The following C11orf58 variants were observed in gnomAD, a reference collection of about 807,000 sequenced individuals.
C11orf58 encodes the protein small acidic protein.
A neutral mutation model predicts 22.7 loss-of-function variants in C11orf58; 5 were observed. That is an observed-to-expected ratio of 0.22 (90% CI 0.12 to 0.46). The LOEUF (loss-of-function observed/expected upper bound fraction) is 0.46. C11orf58 is among the 20% of genes least tolerant of loss of function. C11orf58 has a pLI of 0.99. For synonymous variants in C11orf58, 71 were observed against 70.7 expected (o/e 1.00, Z -0.02); for missense variants, 151 against 223.3 (o/e 0.68, Z 2.06).
rs973105490 is a variant in C11orf58, at chr11:16,753,102, C to CT, written c.318+217dup. 3.6e-4 allele frequency among the ~76,000 whole-genome samples: 55 copies of CT among 151,120 alleles called. No homozygotes were observed. In the East Asian group the frequency reaches 6.6e-3, roughly 18 times the overall value. On this transcript the variant is annotated intron_variant, in intron 4 of 4. Transcript: ENST00000228136. ...GGATTTTGTGTGGGGTTGTTTTTTC[C>CT]TTTTTTTTTGAGATGCAGTCTCACT...
chr11:16,754,429 C>T (rs1055016435), intron 4 of C11orf58, among the ~76,000 whole-genome samples: 3 of 150,540 alleles, frequency 2.0e-5, no homozygotes, highest in Admixed American at 1.3e-4. Flanking sequence ...CTCCTAGGCT[C>T]AAGCAATCCT....
In C11orf58 at chr11:16,748,117, T is replaced by C. The variant is rs778929914; in HGVS notation, c.168T>C (p.Leu56=). 2 of 1,613,070 alleles carry C rather than the reference T, an allele frequency of 1.2e-6. No individual in the cohort carries two copies. The highest frequency in any genetic ancestry group is 2.2e-5 in the South Asian group (2 of 91,068). Residue 56 remains leucine (L), a synonymous_variant, in exon 3 of 5, where the codon CTT becomes CTC. Transcript: ENST00000228136. ...GAGKKEHTGR[L]VIGDHKSTSH... Reference sequence around the variant, plus strand: ...TATAGAAAGAACATACTGGTCGTCTTGTTATAGGAGATCACAAATCAACAT... The same window carrying C: ...TATAGAAAGAACATACTGGTCGTCTCGTTATAGGAGATCACAAATCAACAT...
rs934162427 is a variant in C11orf58 at position 16,757,262 on chromosome 11, A to G, written c.*2158A>G. 5.9e-5 allele frequency among the ~76,000 whole-genome samples: 9 copies of G among 152,206 alleles called. No individual in the cohort carries two copies. The highest frequency in any genetic ancestry group is 1.7e-4 in the African/African-American group (7 of 41,444). On this transcript the variant is annotated 3_prime_UTR_variant, in exon 5 of 5. Coordinates refer to ENST00000228136, the MANE Select transcript of C11orf58 (RefSeq NM_014267.6). ...AGACTGATTTTTACTTAAGAATGGG[A>G]TAGAGATGAGTTTTATGGTTTTTAA...
intron 4 of C11orf58, among the ~76,000 whole-genome samples, chr11:16,754,380 G>C (rs1024225261): frequency 1.3e-5 from 2 of 151,662 alleles, no homozygotes; most frequent in Non-Finnish European, 2.9e-5. Context: ...ACACAGGCTG[G>C]AATGTAGTGG....
At chr11:16,741,172 G>A (rs1848445536) in intron 1 of C11orf58, among the ~76,000 whole-genome samples, 1 of 151,872 alleles carries the variant, frequency 6.6e-6, no homozygotes, top group Admixed American at 6.6e-5. Context: ...GTATGTGAGA[G>A]ATCATTGAAG....
At position 16,748,955 on chromosome 11, in the gene C11orf58, G is replaced by T. The variant is rs1848510263; in HGVS notation, c.208+798G>T. Among the ~76,000 whole-genome samples the T allele has an allele frequency of 3.9e-5, 6 of 152,116 alleles. No individual in the cohort carries two copies. In the South Asian group the frequency reaches 1.2e-3, roughly 32 times the overall value. On this transcript the variant is annotated intron_variant, in intron 3 of 4. Coordinates refer to ENST00000228136, the MANE Select transcript of C11orf58 (RefSeq NM_014267.6). ...TTTATGCCTCAACTTGTTAACTCTG[G>T]TATGTACAGAATTTTTGTTCTTTGT...
At chr11:16,740,102 A>G (rs917850180) in intron 1 of C11orf58, among the ~76,000 whole-genome samples, 1 of 152,182 alleles carries the variant, frequency 6.6e-6, no homozygotes, top group Non-Finnish European at 1.5e-5. Flanking sequence ...GATCTTGTTA[A>G]TATGGTAATT....
At chr11:16,752,945 A>C in intron 4 of C11orf58, 51 bp downstream of exon 4, 2 of 1,394,606 alleles carry the variant, frequency 1.4e-6, no homozygotes, top group Non-Finnish European at 2.0e-6. Flanking sequence ...TCAATTTGGT[A>C]CCATTTATTG....
chr11:16,739,965 A>G (rs1476747639), intron 1 of C11orf58, among the ~76,000 whole-genome samples: 1 of 152,224 alleles, frequency 6.6e-6, no homozygotes, highest in Non-Finnish European at 1.5e-5. Context: ...GGACCGGAAT[A>G]TTAAGGATCT....
At chr11:16,744,577 T>G in intron 1 of C11orf58, 24 bp from the exon 2 acceptor site, 1 of 1,607,124 alleles carries the variant, frequency 6.2e-7, no homozygotes, top group Non-Finnish European at 8.5e-7. Context: ...CAAAAAAAAT[T>G]TAATCAACCA....
intron 1 of C11orf58, among the ~76,000 whole-genome samples, chr11:16,741,641 T>G (rs796093077): frequency 3.9e-4 from 59 of 152,334 alleles, no homozygotes; most frequent in African/African-American, 1.2e-3. Context: ...TTCATCTGTA[T>G]TTACAGCCAC....
intron 2 of C11orf58, chr11:16,747,636 T>A (rs1848497959): frequency 6.5e-6 from 1 of 153,356 alleles, no homozygotes; most frequent in Non-Finnish European, 1.5e-5. Flanking sequence ...TCACTTTATA[T>A]GATACATTAT....
chr11:16,754,404 C>T (rs1296629225), intron 4 of C11orf58, among the ~76,000 whole-genome samples: 3 of 151,504 alleles, frequency 2.0e-5, no homozygotes, highest in Non-Finnish European at 4.4e-5. Context: ...GATCATAGCT[C>T]GCTACAGCCT....
In C11orf58 at chr11:16,738,830, C is replaced by G; in HGVS notation, c.52C>G (p.Pro18Ala). ...GCATGGGGTGAAGCGTTCAGCCTCCCCAGACGACGATGTAAATAATAATGG... is the reference window on the plus strand; with the variant it reads ...GCATGGGGTGAAGCGTTCAGCCTCCGCAGACGACGATGTAAATAATAATGG... ...HPHGVKRSASPDDDLGSSNWE... is the reference protein window; with the variant it reads ...HPHGVKRSASADDDLGSSNWE... The change falls in exon 1 of 5, where the codon CCA (proline) becomes GCA (alanine). Residue 18 changes from proline (P) to alanine (A), a missense_variant. By Grantham distance (27) the Pro-to-Ala change is conservative. Transcript: ENST00000228136. 1 of 1,614,060 alleles carries G rather than the reference C, an allele frequency of 6.2e-7. No individual in the cohort carries two copies. The highest frequency in any genetic ancestry group is 1.1e-5 in the South Asian group (1 of 91,076).
intron 1 of C11orf58, among the ~76,000 whole-genome samples, chr11:16,742,708 T>A (rs1848457555): frequency 6.6e-6 from 1 of 152,178 alleles, no homozygotes. Flanking sequence ...TTACAAATAA[T>A]TTTTAGAAAT....
intron 3 of C11orf58, chr11:16,749,722 G>T (rs906669962): frequency 7.2e-5 from 11 of 152,368 alleles, no homozygotes; most frequent in Admixed American, 2.6e-4. Context: ...AATGCCTGAT[G>T]ATCTGAATTG....
intron 1 of C11orf58, among the ~76,000 whole-genome samples, chr11:16,743,175 T>G (rs1848461519): frequency 6.6e-6 from 1 of 152,236 alleles, no homozygotes; most frequent in Non-Finnish European, 1.5e-5. Context: ...CGGTGAATAT[T>G]TTTATTTCAT....
chr11:16,747,943 C>CTAGAA (rs879854838), intron 2 of C11orf58, 154 bp from the exon 3 acceptor site: 2 of 602,346 alleles, frequency 3.3e-6, no homozygotes, highest in Non-Finnish European at 6.0e-6. Flanking sequence ...CCTACCCTTG[C>CTAGAA]TAGAATGTAA....
At chr11:16,752,269 C>T (rs1293392321) in intron 3 of C11orf58, 1 of 152,746 alleles carries the variant, frequency 6.5e-6, no homozygotes, top group African/African-American at 2.4e-5. Context: ...AAACCACCAC[C>T]ACCCCCCTCC....
Sources: allele counts gnomAD v4.1 joint callset (sites outside exome capture counted in the v4.1 genomes callset), GRCh38; gene constraint gnomAD v4.1.1; transcripts MANE v1.5; gene names NCBI Gene and HGNC (gene_info 2026-07-23, HGNC 2026-07-21).